Variants in ROS1 observed in about 807,000 individuals in gnomAD.
The protein encoded by ROS1 is proto-oncogene tyrosine-protein kinase ROS.
A neutral mutation model predicts 273.5 loss-of-function variants in ROS1; 263 were observed. The observed-to-expected ratio is 0.96, with a 90% CI of 0.87 to 1.06. ROS1 has a LOEUF of 1.06. Among genes scored for constraint, ROS1 ranks in the 50% least tolerant of loss-of-function variants. ROS1 has a pLI of 0.00. For missense variants in ROS1, 2,833 were observed against 2,751.1 expected (o/e 1.03, Z -0.67); for synonymous variants, 1,008 against 954.1 (o/e 1.06, Z -1.04).
chr6:117,421,204 A>C (rs922068636), intron 1 of ROS1, among the ~76,000 whole-genome samples: 2 of 148,194 alleles, frequency 1.3e-5, no homozygotes, highest in Non-Finnish European at 3.0e-5. Flanking sequence ...GAATTGGAAT[A>C]CATATTATAT....
At chr6:117,305,972 A>C (rs1466162852) in intron 42 of ROS1, among the ~76,000 whole-genome samples, 1 of 151,400 alleles carries the variant, frequency 6.6e-6, no homozygotes, top group African/African-American at 2.4e-5. Flanking sequence ...CATTTGGCTA[A>C]GTAGAGGTTC....
chr6:117,424,375 G>A (rs1775986971), intron 1 of ROS1, among the ~76,000 whole-genome samples: 1 of 151,432 alleles, frequency 6.6e-6, no homozygotes, highest in African/African-American at 2.4e-5. Context: ...GATTACTAGG[G>A]CTAGAATTAG....
rs1364957975 is a variant in ROS1, at chr6:117,326,332, A to G, written c.5431T>C (p.Trp1811Arg). The G allele has an allele frequency of 6.2e-7, 1 of 1,602,726 alleles. No homozygotes were observed. The highest frequency in any genetic ancestry group is 8.5e-7 in the Non-Finnish European group (1 of 1,176,202). ...ATTCCTTTCAGGTTTTTGGACTTCC[A>G]TGTGCAAACACTACTGCAGGATCCA... Reference protein sequence around the residue: ...FNGSCSSVCTWKSKNLKGIFQ... With the variant: ...FNGSCSSVCTRKSKNLKGIFQ... The change falls in exon 34 of 44, where the codon TGG becomes CGG. Residue 1811 changes from tryptophan to arginine, a missense_variant. By Grantham distance (101) the Trp-to-Arg change is moderately radical. Transcript: ENST00000368507.
intron 31 of ROS1, among the ~76,000 whole-genome samples, chr6:117,338,628 A>G (rs943010680): frequency 6.6e-6 from 1 of 152,068 alleles, no homozygotes; most frequent in African/African-American, 2.4e-5. Flanking sequence ...AGGTAACCCA[A>G]CATTCCAAAC....
At chr6:117,305,534 C>T (rs1775037011) in intron 42 of ROS1, among the ~76,000 whole-genome samples, 4 of 152,104 alleles carry the variant, frequency 2.6e-5, no homozygotes, top group African/African-American at 9.7e-5. Context: ...TTTCTGATGA[C>T]AAACACATTT....
Position 117,344,140 on chromosome 6 carries a change from T to G in ROS1, c.4426A>C (p.Ser1476Arg). The G allele has an allele frequency of 6.2e-7, 1 of 1,613,998 alleles. No homozygotes were observed. The highest frequency in any genetic ancestry group is 8.5e-7 in the Non-Finnish European group (1 of 1,179,912). ...TAAACCAGGTATGTTGGAGTAGGGC[T>G]GGTGATGCCATACCATGTGAGGTTT... ...KTNLTWYGIT[S>R]PTPTYLVYYA... The change falls in exon 28 of 44, where the codon AGC becomes CGC. Residue 1476 changes from serine to arginine, a missense_variant. Physicochemically the swap from Ser to Arg is moderately radical, Grantham distance 110. Coordinates refer to ENST00000368507, the MANE Select transcript of ROS1 (RefSeq NM_001378902.1).
intron 27 of ROS1, 138 bp downstream of exon 27, chr6:117,352,852 A>T: frequency 1.4e-6 from 1 of 716,930 alleles, no homozygotes; most frequent in Non-Finnish European, 2.3e-6. Flanking sequence ...CAGTGCACAC[A>T]GAAGACTAGC....
At chr6:117,403,366 A>T in intron 6 of ROS1, 89 bp from the exon 7 acceptor site, 1 of 1,268,856 alleles carries the variant, frequency 7.9e-7, no homozygotes, top group African/African-American at 1.6e-5. Context: ...TAGAAGATGG[A>T]TGGCTCAACA....
chr6:117,389,317 G>A, intron 13 of ROS1, 33 bp downstream of exon 13: 3 of 1,566,536 alleles, frequency 1.9e-6, no homozygotes, highest in South Asian at 1.2e-5. Flanking sequence ...ATTCCAGCAA[G>A]GCCAGTAACC....
intron 15 of ROS1, 35 bp downstream of exon 15, chr6:117,386,854 C>T (rs1772621538): frequency 9.4e-7 from 1 of 1,068,354 alleles, no homozygotes; most frequent in South Asian, 1.4e-5. Context: ...GAGTAGAAAT[C>T]TGTCATTCAA....
rs1012331801 is a variant in ROS1, at chr6:117,394,639, T to C, written c.983A>G (p.Asp328Gly). The change falls in exon 10 of 44, where the codon GAT becomes GGT. Residue 328 changes from aspartate (D) to glycine (G), a missense_variant. Coordinates refer to ENST00000368507, the MANE Select transcript of ROS1 (RefSeq NM_001378902.1). The part of the protein sequence containing the change: ...LVDEAHCLRL[D>G]AIYHNITGIS... ...ACCTGTAATATTATGGTATATAGCA[T>C]CCAACCGAAGGCAATGTGCTTCATC... The C allele has an allele frequency of 6.8e-6, 11 of 1,611,086 alleles. No individual in the cohort carries two copies. The highest frequency in any genetic ancestry group is 2.7e-5 in the African/African-American group (2 of 74,838).
intron 11 of ROS1, 51 bp downstream of exon 11, chr6:117,394,105 GATATGC>G: frequency 8.9e-7 from 1 of 1,118,568 alleles, no homozygotes. Flanking sequence ...AATATACCAA[GATATGC>G]ATATCAGTAT....
intron 27 of ROS1, among the ~76,000 whole-genome samples, chr6:117,352,312 A>G (rs1385023008): frequency 6.6e-6 from 1 of 152,258 alleles, no homozygotes; most frequent in Middle Eastern, 3.4e-3. Context: ...ATGTTTTATT[A>G]TGACTGTCAG....
chr6:117,342,506 T>C lies in ROS1; in HGVS notation c.4545A>G (p.Gln1515=). The change falls in exon 29 of 44, where the codon CAA becomes CAG. Residue 1515 remains glutamine, a synonymous_variant. Transcript: ENST00000368507. The part of the protein sequence containing the change: ...QDSIALIEDL[Q]PFSTYMIQIA... ...TCTGTATCATGTATGTTGAAAATGG[T>C]TGTAAATCTTCAATAAGAGCTATAC... 1 of 1,600,106 alleles carries C rather than the reference T, an allele frequency of 6.2e-7. No homozygotes were observed. Among genetic ancestry groups the C allele is most frequent in the Non-Finnish European group, 8.6e-7 (1 of 1,169,176 alleles).
intron 12 of ROS1, among the ~76,000 whole-genome samples, chr6:117,391,625 C>T (rs1773075652): frequency 6.6e-6 from 1 of 152,174 alleles, no homozygotes; most frequent in Non-Finnish European, 1.5e-5. Flanking sequence ...GACTACTAAA[C>T]ACAAACTATT....
chr6:117,409,478 T>A, intron 5 of ROS1, 104 bp downstream of exon 5: 1 of 801,650 alleles, frequency 1.2e-6, no homozygotes, highest in Non-Finnish European at 2.2e-6. Context: ...CATATTGAGA[T>A]GCAGAAATCA....
chr6:117,422,488 G>A (rs1200308257), intron 1 of ROS1, among the ~76,000 whole-genome samples: 1 of 151,706 alleles, frequency 6.6e-6, no homozygotes. Context: ...TTACTCACAG[G>A]TTTATTCCTG....
At chr6:117,387,076 A>G in intron 14 of ROS1, 77 bp from the exon 15 acceptor site, 1 of 675,092 alleles carries the variant, frequency 1.5e-6, no homozygotes. Context: ...ACTTATATCT[A>G]TGCCTTATAT....
intron 2 of ROS1, among the ~76,000 whole-genome samples, chr6:117,417,092 GA>G (rs1775395593): frequency 1.3e-5 from 2 of 152,100 alleles, no homozygotes; most frequent in South Asian, 4.2e-4. Context: ...TCTGGATGTT[GA>G]TATCCCCCAA....
Sources: gnomAD v4.1 joint callset for allele counts (sites outside exome capture counted in the v4.1 genomes callset) on GRCh38, gnomAD v4.1.1 for gene constraint, MANE v1.5 for transcripts, NCBI Gene and HGNC (gene_info 2026-07-23, HGNC 2026-07-21) for gene names.